The following CNTNAP2 variants were observed in gnomAD, a reference collection of about 807,000 sequenced individuals.
CNTNAP2 encodes the protein contactin associated protein 2.
CNTNAP2 carries 98 observed loss-of-function variants against 155.2 expected under a neutral mutation model. The ratio of observed to expected loss-of-function variants is 0.63; its 90% CI spans 0.54 to 0.75. The LOEUF (loss-of-function observed/expected upper bound fraction) is 0.75. CNTNAP2 is among the 30% of genes least tolerant of loss of function. The pLI is 0.00. For missense variants in CNTNAP2, 1,727 were observed against 1,688.1 expected (o/e 1.02, Z -0.40); for synonymous variants, 651 against 631.2 (o/e 1.03, Z -0.47).
chr7:147,748,256 A>T (rs1290921310), intron 13 of CNTNAP2, among the ~76,000 whole-genome samples: 2 of 152,200 alleles, frequency 1.3e-5, no homozygotes, highest in Non-Finnish European at 1.5e-5. Context: ...TTTGAAGTAA[A>T]GATATACAAA....
intron 3 of CNTNAP2, among the ~76,000 whole-genome samples, chr7:146,923,014 T>C (rs1796535751): frequency 6.6e-6 from 1 of 152,158 alleles, no homozygotes; most frequent in African/African-American, 2.4e-5. Context: ...TAAGACAGCA[T>C]AGCTGATGTA....
At chr7:147,185,028 G>A (rs1214969716) in intron 8 of CNTNAP2, among the ~76,000 whole-genome samples, 1 of 152,044 alleles carries the variant, frequency 6.6e-6, no homozygotes, top group Non-Finnish European at 1.5e-5. Flanking sequence ...CCACTTAAAT[G>A]GGCAAAAATA....
chr7:148,016,298 C>T (rs1246172891), intron 15 of CNTNAP2, among the ~76,000 whole-genome samples: 2 of 152,208 alleles, frequency 1.3e-5, no homozygotes, highest in African/African-American at 4.8e-5. Flanking sequence ...CCTCTGTCCA[C>T]CTATGCCAGC....
chr7:148,351,480 C>A (rs891406040), intron 21 of CNTNAP2, among the ~76,000 whole-genome samples: 11 of 151,950 alleles, frequency 7.2e-5, no homozygotes, highest in African/African-American at 2.7e-4. Context: ...CACAGTGGCT[C>A]ATCCCTGTAA....
In CNTNAP2 at chr7:148,418,572, T is replaced by C. The variant is rs1440902850; in HGVS notation, c.*2956T>C. 1.3e-5 allele frequency: 2 copies of C among 152,220 alleles called. No individual in the cohort carries two copies. The highest frequency in any genetic ancestry group is 2.9e-5 in the Non-Finnish European group (2 of 68,044). The allele number at this position is 152,220 out of a possible 1,614,324, so 9.4% of individuals were successfully genotyped here. On this transcript the variant is annotated 3_prime_UTR_variant, in exon 24 of 24. Transcript: ENST00000361727. ...AAAAAAGCTAGGAGATGACTTTGAATGAATGCAAGGTTAGTGAGATCCTAA... is the reference window on the plus strand; with the variant it reads ...AAAAAAGCTAGGAGATGACTTTGAACGAATGCAAGGTTAGTGAGATCCTAA...
rs1273260398 is a variant in CNTNAP2, at chr7:148,377,473, C to T, written c.3476-6176C>T. ...TGTCAGTTTTAGAGCAATACAACAACGTTTTGAAAGACAAATCCATTTTTA... is the reference window on the plus strand; with the variant it reads ...TGTCAGTTTTAGAGCAATACAACAATGTTTTGAAAGACAAATCCATTTTTA... On this transcript the variant is annotated intron_variant, in intron 21 of 23. Transcript: ENST00000361727. 5.9e-5 allele frequency among the ~76,000 whole-genome samples: 4 copies of T among 67,500 alleles called. 2 individuals carry two copies. The highest frequency in any genetic ancestry group is 8.3e-5 in the Non-Finnish European group (2 of 24,064). The allele number at this position is 67,500 out of a possible 152,430, so 44.3% of individuals were successfully genotyped here. A position where few individuals can be genotyped will look rare whatever the true frequency, so the allele number is the denominator to read the frequency against.
chr7:147,547,805 G>A (rs577613682), intron 11 of CNTNAP2, among the ~76,000 whole-genome samples: 4 of 152,062 alleles, frequency 2.6e-5, no homozygotes, highest in South Asian at 2.1e-4. Context: ...TCCCCTCTCC[G>A]TGTCCATGTG....
intron 9 of CNTNAP2, among the ~76,000 whole-genome samples, chr7:147,337,643 A>G (rs935276631): frequency 3.9e-5 from 6 of 152,204 alleles, no homozygotes; most frequent in Admixed American, 1.3e-4. Flanking sequence ...ACAAATTGTT[A>G]TCACAAAATA....
chr7:148,229,953 A>G (rs1003228977), intron 20 of CNTNAP2, among the ~76,000 whole-genome samples, 174 bp downstream of exon 20: 1 of 152,204 alleles, frequency 6.6e-6, no homozygotes, highest in African/African-American at 2.4e-5. Context: ...TCTGACAAGG[A>G]AAGACAATGA....
At chr7:146,297,221 TC>T (rs1800529217) in intron 1 of CNTNAP2, among the ~76,000 whole-genome samples, 1 of 152,146 alleles carries the variant, frequency 6.6e-6, no homozygotes, top group South Asian at 2.1e-4. Context: ...ATCATTAATT[TC>T]CCAGTGCATT....
At chr7:148,395,128 C>CT (rs139989274) in intron 22 of CNTNAP2, among the ~76,000 whole-genome samples, 2 of 143,088 alleles carry the variant, frequency 1.4e-5, no homozygotes, top group African/African-American at 5.1e-5. Context: ...GACCCCCCCC[C>CT]CTTATTGATT....
chr7:147,179,401 C>T (rs1442255530), intron 8 of CNTNAP2, among the ~76,000 whole-genome samples: 1 of 152,084 alleles, frequency 6.6e-6, no homozygotes, highest in Non-Finnish European at 1.5e-5. Context: ...TTAGAAGCTC[C>T]CAGTCTTGCA....
intron 5 of CNTNAP2, among the ~76,000 whole-genome samples, chr7:147,115,202 T>TTAGTGGGTGACCTG (rs1198364384): frequency 6.6e-6 from 1 of 152,216 alleles, no homozygotes; most frequent in Non-Finnish European, 1.5e-5. Flanking sequence ...TGGGCTTCCC[T>TTAGTGGGTGACCTG]TAGTGGGTGA....
At chr7:147,689,007 A>C (rs1796052569) in intron 13 of CNTNAP2, among the ~76,000 whole-genome samples, 1 of 152,174 alleles carries the variant, frequency 6.6e-6, no homozygotes, top group Non-Finnish European at 1.5e-5. Flanking sequence ...TTTCTGTCAC[A>C]AGCTGCATAA....
chr7:146,971,541 G>A (rs993234378), intron 3 of CNTNAP2, among the ~76,000 whole-genome samples: 1 of 152,144 alleles, frequency 6.6e-6, no homozygotes, highest in Non-Finnish European at 1.5e-5. Context: ...AAAAATGAAT[G>A]TCTCACAGTT....
intron 13 of CNTNAP2, among the ~76,000 whole-genome samples, chr7:147,782,520 A>T (rs972691178): frequency 9.9e-5 from 15 of 152,202 alleles, no homozygotes; most frequent in African/African-American, 3.1e-4. Flanking sequence ...TCTCTACTTT[A>T]CAGATAGTTC....
chr7:148,369,366 T>C (rs1055627011), intron 21 of CNTNAP2, among the ~76,000 whole-genome samples: 1 of 151,704 alleles, frequency 6.6e-6, no homozygotes, highest in African/African-American at 2.4e-5. Flanking sequence ...ACCTGGCTAA[T>C]TTGTGCCACT....
intron 1 of CNTNAP2, among the ~76,000 whole-genome samples, chr7:146,458,134 G>A (rs1379807234): frequency 1.3e-5 from 2 of 152,122 alleles, no homozygotes; most frequent in South Asian, 4.1e-4. Flanking sequence ...ACACACACTG[G>A]GGCCTGTCAG....
chr7:147,324,786 T>C (rs1795421049), intron 9 of CNTNAP2, among the ~76,000 whole-genome samples: 1 of 152,102 alleles, frequency 6.6e-6, no homozygotes, highest in Non-Finnish European at 1.5e-5. Flanking sequence ...GGGCATTTTG[T>C]TTTTGTTTTT....
Sources: gnomAD v4.1 joint callset for allele counts (sites outside exome capture counted in the v4.1 genomes callset) on GRCh38, gnomAD v4.1.1 for gene constraint, MANE v1.5 for transcripts, NCBI Gene and HGNC (gene_info 2026-07-23, HGNC 2026-07-21) for gene names.